Variants in SF3A3 observed in about 807,000 individuals in gnomAD.
SF3A3 encodes the protein splicing factor 3a subunit 3.
SF3A3 carries 9 observed loss-of-function variants against 85.8 expected under a neutral mutation model. The ratio of observed to expected loss-of-function variants is 0.10; its 90% CI spans 0.06 to 0.18. The LOEUF is 0.18. Ranked by LOEUF, SF3A3 falls within the 10% of genes least tolerant of loss-of-function variation. SF3A3 has a pLI of 1.00. For missense variants in SF3A3, 306 were observed against 593.3 expected (o/e 0.52, Z 5.03); for synonymous variants, 195 against 204.4 (o/e 0.95, Z 0.39).
At chr1:37,970,491 T>C (rs1179023783) in intron 12 of SF3A3, among the ~76,000 whole-genome samples, 1 of 152,062 alleles carries the variant, frequency 6.6e-6, no homozygotes, top group Non-Finnish European at 1.5e-5. Context: ...TGAACTCAGC[T>C]CTGCACCAAG....
At position 37,989,548 on chromosome 1, in the gene SF3A3, A is replaced by T. The variant is rs757418729; in HGVS notation, c.144T>A (p.Asp48Glu). 6.8e-6 allele frequency: 11 copies of T among 1,613,708 alleles called. No individual in the cohort carries two copies. The highest frequency in any genetic ancestry group is 9.3e-6 in the Non-Finnish European group (11 of 1,179,922). Residue 48 changes from aspartate to glutamate, a missense_variant and splice_region_variant, in exon 2 of 17, where the codon GAT becomes GAA. Around this residue, in one of 4 missense-constraint regions of SF3A3, gnomAD observed 152 missense variants for 192.0 expected, o/e 0.79. Transcript: ENST00000373019. ...GAGAGGCAGACAGCTGGGCACTCAC[A>T]TCTTGCATGGCCCGAGTGCGGTGAT... ...NSDHRTRAMQ[D>E]RYMEVSGNLR...
At chr1:37,978,189 A>C (rs1247600866) in intron 11 of SF3A3, among the ~76,000 whole-genome samples, 2 of 151,574 alleles carry the variant, frequency 1.3e-5, no homozygotes, top group East Asian at 3.9e-4. Context: ...AATACAAAAA[A>C]TCAGCCATGT....
chr1:37,987,574 T>C lies in SF3A3; in HGVS notation c.302A>G (p.Glu101Gly). The C allele has an allele frequency of 2.5e-6, 4 of 1,607,954 alleles. No individual in the cohort carries two copies. The highest frequency in any genetic ancestry group is 3.4e-6 in the Non-Finnish European group (4 of 1,174,326). ...IKEFHRKHPNEICVPMSVEFE... is the reference protein window; with the variant it reads ...IKEFHRKHPNGICVPMSVEFE... ...GAAAATACTTTTCTGAGGACATACC[T>C]CATTTGGGTGCTTCCGGTGGAATTC... is the stretch of plus-strand genomic sequence containing the variant. The change falls in exon 4 of 17, where the codon GAG becomes GGG. Residue 101 changes from glutamate (E) to glycine (G), a missense_variant and splice_region_variant. Transcript: ENST00000373019.
intron 15 of SF3A3, among the ~76,000 whole-genome samples, chr1:37,964,462 C>A (rs974455855): frequency 3.3e-5 from 5 of 151,736 alleles, no homozygotes; most frequent in African/African-American, 1.2e-4. Flanking sequence ...AAAAAATTAG[C>A]CAGGCGTGGT....
intron 6 of SF3A3, among the ~76,000 whole-genome samples, chr1:37,983,697 G>A (rs1023882500): frequency 1.3e-5 from 2 of 151,484 alleles, no homozygotes; most frequent in Non-Finnish European, 2.9e-5. Flanking sequence ...CACTGTGGGA[G>A]GCCGAGACAG....
Position 37,969,701 on chromosome 1 carries a change from C to T in SF3A3, c.1040G>A (p.Arg347His), listed in dbSNP as rs759791907. The change falls in exon 13 of 17, where the codon CGC (arginine) becomes CAC (histidine). Residue 347 changes from arginine to histidine, a missense_variant. Transcript: ENST00000373019. ...QRHLTHENVQRKQARTGEERE... is the reference protein window; with the variant it reads ...QRHLTHENVQHKQARTGEERE... ...CTCTTCTCCTGTCCTGGCTTGCTTGCGCTGTACATTTTCATGAGTGAGATG... is the reference window on the plus strand; with the variant it reads ...CTCTTCTCCTGTCCTGGCTTGCTTGTGCTGTACATTTTCATGAGTGAGATG... 7 of 1,614,150 alleles carry T rather than the reference C, an allele frequency of 4.3e-6. No individual in the cohort carries two copies. The highest frequency in any genetic ancestry group is 2.2e-5 in the East Asian group (1 of 44,886).
chr1:37,989,243 C>A (rs1646477244), intron 2 of SF3A3, among the ~76,000 whole-genome samples: 2 of 151,590 alleles, frequency 1.3e-5, no homozygotes, highest in Middle Eastern at 3.4e-3. Flanking sequence ...TGCAGTGAGC[C>A]GAGACCGCGC....
rs149345156 is a variant in SF3A3, at chr1:37,972,288, C to T, written c.1006-2553G>A. On this transcript the variant is annotated intron_variant, in intron 12 of 16. Transcript: ENST00000373019. The stretch of plus-strand genomic sequence containing the variant: ...CAAAGAGAATAAAATACCTAGGAAT[C>T]CAGCTTACAAGGGATGTGAAGGACC... 3.2e-3 allele frequency among the ~76,000 whole-genome samples: 494 copies of T among 152,266 alleles called. 1 individual carries two copies. Among genetic ancestry groups the T allele is most frequent in the Non-Finnish European group, 5.5e-3 (374 of 68,022 alleles).
intron 15 of SF3A3, among the ~76,000 whole-genome samples, chr1:37,965,760 C>G (rs2148716326): frequency 7.1e-6 from 1 of 140,886 alleles, no homozygotes; most frequent in African/African-American, 2.7e-5. Flanking sequence ...AAGGTTCAAG[C>G]TGACCAAACA....
intron 16 of SF3A3, 93 bp from the exon 17 acceptor site, chr1:37,958,356 TC>T: frequency 1.2e-6 from 1 of 844,048 alleles, no homozygotes; most frequent in Non-Finnish European, 2.1e-6. Context: ...CTGGCCTGAT[TC>T]CATGGCATAC....
chr1:37,980,846 T>A, intron 7 of SF3A3, 122 bp from the exon 8 acceptor site: 4 of 523,398 alleles, frequency 7.6e-6, no homozygotes, highest in Non-Finnish European at 1.1e-5. Flanking sequence ...ATACTCTTTT[T>A]TTTTTTTTTT....
chr1:37,976,866 C>A lies in SF3A3; in HGVS notation c.1005+18G>T. 6.8e-7 allele frequency: 1 copy of A among 1,477,442 alleles called. No individual in the cohort carries two copies. Among genetic ancestry groups the A allele is most frequent in the South Asian group, 1.1e-5 (1 of 88,288 alleles). The allele number at this position is 1,477,442 out of a possible 1,614,324, so 91.5% of individuals were successfully genotyped here. On this transcript the variant is annotated intron_variant, in intron 12 of 16. Transcript: ENST00000373019. ...TGTGCTTTATACCATTTTCCACTTT[C>A]AGCAGTCAGTCACTTACCCCGAGAA... is the stretch of plus-strand genomic sequence containing the variant.
chr1:37,970,304 CAA>C (rs35452372), intron 12 of SF3A3, among the ~76,000 whole-genome samples: 3,508 of 103,378 alleles, frequency 0.034, 174 homozygotes, highest in East Asian at 0.26. Context: ...GACTCCTTCT[CAA>C]AAAAAAAAAA....
chr1:37,973,181 AC>A, intron 12 of SF3A3, among the ~76,000 whole-genome samples: 1 of 152,292 alleles, frequency 6.6e-6, no homozygotes, highest in East Asian at 1.9e-4. Flanking sequence ...TCTGTCTCCA[AC>A]AAAAAAAAGA....
chr1:37,973,733 A>AT (rs1646359286), intron 12 of SF3A3, among the ~76,000 whole-genome samples: 1 of 152,224 alleles, frequency 6.6e-6, no homozygotes, highest in Non-Finnish European at 1.5e-5. Flanking sequence ...ATTACTGGGC[A>AT]TATATCCAAA....
At chr1:37,987,874 T>C in intron 2 of SF3A3, 38 bp from the exon 3 acceptor site, 1 of 1,550,344 alleles carries the variant, frequency 6.5e-7, no homozygotes, top group Non-Finnish European at 8.9e-7. Context: ...ATGATGCAAT[T>C]TGCACAACTG....
intron 6 of SF3A3, among the ~76,000 whole-genome samples, chr1:37,982,835 C>G (rs2148723436): frequency 6.6e-6 from 1 of 152,182 alleles, no homozygotes; most frequent in Non-Finnish European, 1.5e-5. Context: ...TGGCTCATGC[C>G]TGTAATCCCA....
chr1:37,987,497 G>A (rs1327936658), intron 4 of SF3A3, 76 bp downstream of exon 4: 26 of 1,047,440 alleles, frequency 2.5e-5, no homozygotes, highest in Non-Finnish European at 3.8e-5. Context: ...AATAGCACAT[G>A]TCCAGTTTCC....
chr1:37,960,112 G>C lies in SF3A3; in HGVS notation c.1428+8C>G. ...ACTATCCCTAACACCATCCACATTA[G>C]TACCCACCTCAGTGTCAGGCTGCCA... On this transcript the variant is annotated splice_region_variant and intron_variant, in intron 16 of 16. Coordinates refer to ENST00000373019, the MANE Select transcript of SF3A3 (RefSeq NM_006802.4). 1 of 1,613,038 alleles carries C rather than the reference G, an allele frequency of 6.2e-7. No individual in the cohort carries two copies. The highest frequency in any genetic ancestry group is 8.5e-7 in the Non-Finnish European group (1 of 1,179,226).
Sources: allele counts gnomAD v4.1 joint callset (sites outside exome capture counted in the v4.1 genomes callset), GRCh38; gene constraint gnomAD v4.1.1; regional missense constraint gnomAD v4.1.1; transcripts MANE v1.5; gene names NCBI Gene and HGNC (gene_info 2026-07-23, HGNC 2026-07-21).